The following SLC24A2 variants were observed in gnomAD, a reference collection of about 807,000 sequenced individuals.
SLC24A2 encodes the protein sodium/potassium/calcium exchanger 2.
In SLC24A2, 36 loss-of-function variants were observed where a neutral mutation model predicts 62.0. The ratio of observed to expected loss-of-function variants is 0.58; its 90% CI spans 0.44 to 0.77. The LOEUF (loss-of-function observed/expected upper bound fraction) is 0.77, where lower values mean the gene tolerates loss of function less well. Among genes scored for constraint, SLC24A2 ranks in the 30% least tolerant of loss-of-function variants. The pLI is 0.00. For synonymous variants in SLC24A2, 358 were observed against 294.0 expected (o/e 1.22, Z -2.23); for missense variants, 846 against 817.9 (o/e 1.03, Z -0.42).
At chr9:19,575,982 C>G (rs990217309) in intron 6 of SLC24A2, among the ~76,000 whole-genome samples, 1 of 152,078 alleles carries the variant, frequency 6.6e-6, no homozygotes, top group African/African-American at 2.4e-5. Flanking sequence ...ATATATATAA[C>G]TCATAATCCC....
At chr9:19,555,111 A>G (rs945627365) in intron 7 of SLC24A2, among the ~76,000 whole-genome samples, 1 of 152,170 alleles carries the variant, frequency 6.6e-6, no homozygotes, top group Non-Finnish European at 1.5e-5. Context: ...CAAGTCATGC[A>G]CCCACTTCAC....
chr9:19,923,629 TCA>T, the SLC24A2 span, among the ~76,000 whole-genome samples: 1 of 152,252 alleles, frequency 6.6e-6, no homozygotes, highest in Non-Finnish European at 1.5e-5. Context: ...AATGACAAGT[TCA>T]CATTGTTGAA....
At chr9:20,091,812 C>T in the SLC24A2 span, among the ~76,000 whole-genome samples, 96,877 of 152,004 alleles carry the variant, frequency 0.64, 31,973 homozygotes, top group East Asian at 0.95. Context: ...GAAGCCAGCA[C>T]AATAACCAGC....
the SLC24A2 span, among the ~76,000 whole-genome samples, chr9:19,968,430 A>T: frequency 8.9e-4 from 136 of 152,346 alleles, no homozygotes; most frequent in African/African-American, 3.1e-3. Context: ...ACAAAACTGT[A>T]TTACAATTTC....
At chr9:19,584,821 AT>A (rs1836320611) in intron 5 of SLC24A2, among the ~76,000 whole-genome samples, 1 of 152,080 alleles carries the variant, frequency 6.6e-6, no homozygotes, top group Non-Finnish European at 1.5e-5. Context: ...CCTCTAAATT[AT>A]TTTTTTCTAA....
At chr9:19,881,217 C>A in the SLC24A2 span, among the ~76,000 whole-genome samples, 1 of 152,006 alleles carries the variant, frequency 6.6e-6, no homozygotes, top group African/African-American at 2.4e-5. Flanking sequence ...AAGACTGAGA[C>A]CCGAGATCCT....
chr9:20,043,544 C>T, the SLC24A2 span, among the ~76,000 whole-genome samples: 1 of 152,184 alleles, frequency 6.6e-6, no homozygotes, highest in African/African-American at 2.4e-5. Flanking sequence ...AAAACATCAA[C>T]ATTAATGGGA....
At chr9:20,292,657 GTGCA>G in the SLC24A2 span, among the ~76,000 whole-genome samples, 3 of 152,146 alleles carry the variant, frequency 2.0e-5, no homozygotes, top group African/African-American at 7.2e-5. Flanking sequence ...TCAGGTTGGA[GTGCA>G]ATGGCACAAA....
the SLC24A2 span, among the ~76,000 whole-genome samples, chr9:20,295,241 A>G: frequency 2.0e-5 from 3 of 152,178 alleles, no homozygotes; most frequent in African/African-American, 7.2e-5. Flanking sequence ...AAAGATTAAA[A>G]TACCAAATGT....
At chr9:20,124,948 T>C in the SLC24A2 span, among the ~76,000 whole-genome samples, 5 of 152,184 alleles carry the variant, frequency 3.3e-5, no homozygotes, top group Admixed American at 3.3e-4. Flanking sequence ...TAGCACCTTG[T>C]TATGGTAGAA....
At chr9:20,197,753 G>A in the SLC24A2 span, among the ~76,000 whole-genome samples, 29 of 151,908 alleles carry the variant, frequency 1.9e-4, no homozygotes, top group Non-Finnish European at 3.2e-4. Flanking sequence ...TTTTCATATC[G>A]ACAATAACAT....
chr9:19,699,196 T>C lies in SLC24A2; in HGVS notation c.931-76897A>G, dbSNP rs1453255759. ...GGTCTCTGAGTACTGTGTTAGCATA[T>C]AAACAAACGTGGAACTGCATGGGGA... On this transcript the variant is annotated intron_variant, in intron 2 of 10. Transcript: ENST00000341998. Among the ~76,000 whole-genome samples, 12 of 152,066 alleles carry C rather than the reference T, an allele frequency of 7.9e-5. No individual in the cohort carries two copies. In the East Asian group the frequency reaches 2.1e-3, roughly 27 times the overall value.
the SLC24A2 span, among the ~76,000 whole-genome samples, chr9:19,918,673 C>T: frequency 2.0e-5 from 3 of 152,082 alleles, no homozygotes; most frequent in African/African-American, 7.2e-5. Context: ...TAAAAGGGTC[C>T]CAGTGAGAGT....
At chr9:20,120,635 T>C in the SLC24A2 span, among the ~76,000 whole-genome samples, 1 of 152,220 alleles carries the variant, frequency 6.6e-6, no homozygotes, top group African/African-American at 2.4e-5. Flanking sequence ...ATTATCTGTA[T>C]ATCAAACCCC....
At chr9:19,771,094 C>T (rs1277840725) in intron 2 of SLC24A2, among the ~76,000 whole-genome samples, 2 of 152,142 alleles carry the variant, frequency 1.3e-5, no homozygotes, top group Non-Finnish European at 2.9e-5. Context: ...AAGCATCATT[C>T]GGTAGTGGCA....
the SLC24A2 span, among the ~76,000 whole-genome samples, chr9:20,151,002 C>T: frequency 6.6e-6 from 1 of 151,914 alleles, no homozygotes; most frequent in African/African-American, 2.4e-5. Flanking sequence ...CCCAAACCAG[C>T]CAGCTTTAGA....
At chr9:19,908,642 A>T in the SLC24A2 span, among the ~76,000 whole-genome samples, 1 of 152,236 alleles carries the variant, frequency 6.6e-6, no homozygotes, top group Non-Finnish European at 1.5e-5. Context: ...TTTACAAGAA[A>T]AAAACAACCC....
At chr9:19,682,410 G>T (rs1423329462) in intron 2 of SLC24A2, among the ~76,000 whole-genome samples, 1 of 152,086 alleles carries the variant, frequency 6.6e-6, no homozygotes, top group African/African-American at 2.4e-5. Context: ...GATAGTAGCA[G>T]GAATAAAGAT....
the SLC24A2 span, among the ~76,000 whole-genome samples, chr9:20,287,113 A>C: frequency 2.6e-5 from 4 of 152,208 alleles, no homozygotes; most frequent in African/African-American, 7.2e-5. Flanking sequence ...ATTCCGGGAA[A>C]CATTGTTTTA....
Sources: gnomAD v4.1 joint callset for allele counts (sites outside exome capture counted in the v4.1 genomes callset) on GRCh38, gnomAD v4.1.1 for gene constraint, MANE v1.5 for transcripts, NCBI Gene and HGNC (gene_info 2026-07-23, HGNC 2026-07-21) for gene names.